The following CYLD variants were observed in gnomAD, a reference collection of about 807,000 sequenced individuals.
The protein encoded by CYLD is CYLD lysine 63 deubiquitinase.
A neutral mutation model predicts 104.5 loss-of-function variants in CYLD; 26 were observed. That is an observed-to-expected ratio of 0.25 (90% CI 0.18 to 0.35). The LOEUF (loss-of-function observed/expected upper bound fraction) is 0.35. Ranked by LOEUF, CYLD falls within the 10% of genes least tolerant of loss-of-function variation. The pLI, the probability that CYLD is intolerant of heterozygous loss-of-function variation, is 1.00. For synonymous variants in CYLD, 385 were observed against 399.9 expected, an observed-to-expected ratio of 0.96 and a Z score of 0.45; for missense variants, 703 against 1,136.1, an observed-to-expected ratio of 0.62 and a Z score of 5.48.
chr16:50,746,635 A>C (rs184536904), intron 2 of CYLD, among the ~76,000 whole-genome samples: 3 of 152,270 alleles, frequency 2.0e-5, no homozygotes. Flanking sequence ...GTTAGGAAAA[A>C]AGTTACCACT....
rs137990687 is a variant in CYLD, at chr16:50,792,458, G to A, written c.2242-139G>A. The A allele has an allele frequency of 4.9e-4, 311 of 638,954 alleles. 3 individuals are homozygous for A. The African/African-American group carries it at 5.5e-3, about 11-fold the overall frequency. The allele number at this position is 638,954 out of a possible 1,614,324, so 39.6% of individuals were successfully genotyped here. On this transcript the variant is annotated intron_variant, in intron 15 of 18. Transcript: ENST00000427738. Reference sequence around the variant, plus strand: ...TGGTGTCCTCTGTCCACAGCCCATGGTCACGTGTGGATCCTGTTTCATAGG... The same window carrying A: ...TGGTGTCCTCTGTCCACAGCCCATGATCACGTGTGGATCCTGTTTCATAGG...
chr16:50,796,826 A>C lies in CYLD; in HGVS notation c.*318A>C. ...GGAAGCATACAATTTTAATTGTGGA[A>C]GTTTAAAGCCTCTTTTAGTCCATTG... On this transcript the variant is annotated 3_prime_UTR_variant, in exon 19 of 19. Coordinates refer to ENST00000427738, the MANE Select transcript of CYLD (RefSeq NM_001378743.1). 2 of 400,814 alleles carry C rather than the reference A, an allele frequency of 5.0e-6. No homozygotes were observed. Among genetic ancestry groups the C allele is most frequent in the Non-Finnish European group, 9.3e-6 (2 of 215,250 alleles). 24.8% of individuals were successfully genotyped at this position (400,814 alleles called of 1,614,324 possible).
In CYLD at chr16:50,791,663, T is replaced by C. The variant is rs778884721; in HGVS notation, c.2214T>C (p.Phe738=). 3 of 1,613,942 alleles carry C rather than the reference T, an allele frequency of 1.9e-6. No individual in the cohort carries two copies. In the Admixed American group the frequency reaches 5.0e-5, roughly 27 times the overall value. ...PTIQQLLEWS[F]INSNLKFAEA... ...TTCAGCAGTTGTTAGAATGGTCTTT[T>C]ATCAACAGTAACCTGAAATTTGCAG... The change falls in exon 15 of 19, where the codon TTT becomes TTC. Residue 738 remains phenylalanine, a synonymous_variant. Coordinates refer to ENST00000427738, the MANE Select transcript of CYLD (RefSeq NM_001378743.1).
intron 16 of CYLD, among the ~76,000 whole-genome samples, chr16:50,793,200 T>C (rs1361128875): frequency 6.6e-6 from 1 of 152,112 alleles, no homozygotes; most frequent in Non-Finnish European, 1.5e-5. Flanking sequence ...AGAAAATTCA[T>C]AATCATATTG....
intron 2 of CYLD, among the ~76,000 whole-genome samples, chr16:50,748,663 T>C (rs1193422109): frequency 1.3e-5 from 2 of 152,218 alleles, no homozygotes; most frequent in Non-Finnish European, 2.9e-5. Flanking sequence ...GTTTTGATGC[T>C]ACAAAATTGA....
chr16:50,781,953 T>A (rs1970258520), intron 10 of CYLD, among the ~76,000 whole-genome samples: 1 of 152,236 alleles, frequency 6.6e-6, no homozygotes, highest in African/African-American at 2.4e-5. Context: ...AAGCCATCTT[T>A]ATGAAAAACA....
At chr16:50,760,009 A>G (rs1967719855) in intron 5 of CYLD, among the ~76,000 whole-genome samples, 1 of 152,208 alleles carries the variant, frequency 6.6e-6, no homozygotes, top group Non-Finnish European at 1.5e-5. Context: ...TGAAAATTTT[A>G]TATTGAGCAT....
At chr16:50,745,497 G>A (rs1966114476) in intron 2 of CYLD, among the ~76,000 whole-genome samples, 1 of 151,202 alleles carries the variant, frequency 6.6e-6, no homozygotes, top group South Asian at 2.1e-4. Context: ...AGAGTAGCTG[G>A]GACCCTGAGT....
chr16:50,781,379 T>A lies in CYLD; in HGVS notation c.1652T>A (p.Val551Asp). The change falls in exon 10 of 19, where the codon GTT becomes GAT. Residue 551 changes from valine to aspartate, a missense_variant. Val to Asp is a radical substitution (Grantham distance 152, BLOSUM62 -3). Transcript: ENST00000427738. ...PDSRFASLQP[V>D]SNQIERCNSL... ...TCTAGGTTTGCATCATTGCAGCCGG[T>A]TTCCAATCAGATTGAGCGCTGTAAC... The A allele has an allele frequency of 6.2e-7, 1 of 1,613,692 alleles. No homozygotes were observed. The highest frequency in any genetic ancestry group is 8.5e-7 in the Non-Finnish European group (1 of 1,179,876).
rs201868355 is a variant in CYLD at position 50,794,331 on chromosome 16, T to C, written c.2589T>C (p.Ala863=). The C allele has an allele frequency of 1.8e-5, 29 of 1,614,096 alleles. No homozygotes were observed. The highest frequency in any genetic ancestry group is 4.2e-6 in the Non-Finnish European group (5 of 1,180,046). Reference sequence around the variant, plus strand: ...CTTGCCAGAATATGGAGTTATTTGCTGTTCTCTGCATAGAAACAAGCCACT... The same window carrying C: ...CTTGCCAGAATATGGAGTTATTTGCCGTTCTCTGCATAGAAACAAGCCACT... ...CIPCQNMELF[A]VLCIETSHYV... is the part of the protein sequence containing the mutation. The change falls in exon 18 of 19, where the codon GCT becomes GCC. Residue 863 remains alanine (A), a synonymous_variant. Transcript: ENST00000427738. The surrounding 1 kb of genome is among the most constrained non-coding windows in gnomAD (Gnocchi z 4.1).
At chr16:50,772,129 A>G (rs1422113314) in intron 5 of CYLD, among the ~76,000 whole-genome samples, 1 of 152,218 alleles carries the variant, frequency 6.6e-6, no homozygotes, top group African/African-American at 2.4e-5. Context: ...TTAAACCTGT[A>G]TATAACTTTG....
At chr16:50,751,560 C>T (rs758164507) in intron 3 of CYLD, 44 bp from the exon 4 acceptor site, 17 of 1,582,144 alleles carry the variant, frequency 1.1e-5, no homozygotes, top group Admixed American at 3.4e-5. Flanking sequence ...TCCTATGGAT[C>T]GTCTTTCTAT....
chr16:50,746,056 G>T (rs1375554135), intron 2 of CYLD, among the ~76,000 whole-genome samples: 1 of 152,122 alleles, frequency 6.6e-6, no homozygotes, highest in Non-Finnish European at 1.5e-5. Context: ...GAGAGAGTGT[G>T]TGACAGGGTC....
At chr16:50,788,128 T>C (rs1232634342) in intron 14 of CYLD, among the ~76,000 whole-genome samples, 1 of 152,202 alleles carries the variant, frequency 6.6e-6, no homozygotes, top group Non-Finnish European at 1.5e-5. Flanking sequence ...TGAAACTGTA[T>C]ATATATTTTC....
At chr16:50,765,586 G>A (rs1968412234) in intron 5 of CYLD, among the ~76,000 whole-genome samples, 1 of 152,192 alleles carries the variant, frequency 6.6e-6, no homozygotes, top group African/African-American at 2.4e-5. Flanking sequence ...AAATGATTAA[G>A]CTTAGTGAGG....
At chr16:50,795,790 T>TA in intron 18 of CYLD, 1 of 567,882 alleles carries the variant, frequency 1.8e-6, no homozygotes. Flanking sequence ...GCCACTGAGG[T>TA]AACCCAGAGG....
chr16:50,792,449 C>T, intron 15 of CYLD, 148 bp from the exon 16 acceptor site: 2 of 616,346 alleles, frequency 3.2e-6, no homozygotes, highest in Non-Finnish European at 5.9e-6. Context: ...CCTCTGTCCA[C>T]AGCCCATGGT....
At chr16:50,780,097 C>T in intron 9 of CYLD, 53 bp downstream of exon 9, 3 of 1,596,920 alleles carry the variant, frequency 1.9e-6, no homozygotes, top group South Asian at 1.1e-5. Flanking sequence ...AGGTTTTGTG[C>T]AGATTTCGCC....
chr16:50,767,319 A>G (rs1167152110), intron 5 of CYLD, among the ~76,000 whole-genome samples: 5 of 152,218 alleles, frequency 3.3e-5, no homozygotes, highest in Non-Finnish European at 7.3e-5. Context: ...AATGGACTAC[A>G]GTATAGTGTA....
Sources: gnomAD v4.1 joint callset for allele counts (sites outside exome capture counted in the v4.1 genomes callset) on GRCh38, gnomAD v4.1.1 for gene constraint, Gnocchi (gnomAD v3.1) non-coding constraint, MANE v1.5 for transcripts, NCBI Gene and HGNC (gene_info 2026-07-23, HGNC 2026-07-21) for gene names.